The following CDH6 variants were observed in gnomAD, a reference collection of about 807,000 sequenced individuals.
The protein encoded by CDH6 is cadherin 6.
In CDH6, 31 loss-of-function variants were observed where a neutral mutation model predicts 78.0. The ratio of observed to expected loss-of-function variants is 0.40; its 90% CI spans 0.30 to 0.54. The LOEUF (loss-of-function observed/expected upper bound fraction) is 0.54. CDH6 is among the 20% of genes least tolerant of loss of function. CDH6 has a pLI of 0.56. For missense variants in CDH6, 724 were observed against 975.9 expected (o/e 0.74, Z 3.44); for synonymous variants, 376 against 368.8 (o/e 1.02, Z -0.23).
intron 1 of CDH6, among the ~76,000 whole-genome samples, chr5:31,199,685 G>GTATATATATATATATATA (rs1554035032): frequency 7.5e-5 from 6 of 79,858 alleles, no homozygotes; most frequent in East Asian, 9.5e-4. Flanking sequence ...GTGTGTGTGT[G>GTATATATATATATATATA]TATATATATA....
intron 2 of CDH6, 126 bp downstream of exon 2, chr5:31,267,827 C>CTT: frequency 2.2e-5 from 12 of 543,262 alleles, no homozygotes; most frequent in Non-Finnish European, 3.1e-5. Flanking sequence ...ACTGGTAAGA[C>CTT]TTTTTTTTTT....
chr5:31,206,445 T>C (rs1015958551), intron 1 of CDH6, among the ~76,000 whole-genome samples: 1 of 152,172 alleles, frequency 6.6e-6, no homozygotes, highest in Non-Finnish European at 1.5e-5. Context: ...TTCAGCCTCA[T>C]AGAGGCCTTT....
intron 1 of CDH6, among the ~76,000 whole-genome samples, chr5:31,253,842 G>A (rs1451653819): frequency 6.7e-6 from 1 of 150,312 alleles, no homozygotes; most frequent in Admixed American, 6.6e-5. Context: ...TTTTTTAGAA[G>A]CGAATCTGAA....
intron 1 of CDH6, among the ~76,000 whole-genome samples, chr5:31,230,693 CAGAATAA>C (rs1741288979): frequency 6.6e-6 from 1 of 152,116 alleles, no homozygotes; most frequent in African/African-American, 2.4e-5. Context: ...AAACCATCTG[CAGAATAA>C]TCTTGATTGT....
intron 1 of CDH6, among the ~76,000 whole-genome samples, chr5:31,230,710 TG>T (rs1450553587): frequency 3.3e-5 from 5 of 152,210 alleles, no homozygotes; most frequent in African/African-American, 1.2e-4. Flanking sequence ...ATCTTGATTG[TG>T]TCCTCAAGTA....
chr5:31,218,460 GT>G (rs1396380187), intron 1 of CDH6, among the ~76,000 whole-genome samples: 1 of 152,126 alleles, frequency 6.6e-6, no homozygotes, highest in Non-Finnish European at 1.5e-5. Flanking sequence ...AAGCACAGGG[GT>G]TTTTGTTTTT....
intron 11 of CDH6, among the ~76,000 whole-genome samples, chr5:31,321,337 G>A (rs552161115): frequency 1.4e-4 from 21 of 152,274 alleles, no homozygotes; most frequent in Non-Finnish European, 2.5e-4. Flanking sequence ...CTTGAAAGTG[G>A]CAAAGTTACA....
intron 2 of CDH6, among the ~76,000 whole-genome samples, chr5:31,293,409 TA>T (rs750401478): frequency 1.3e-5 from 2 of 152,168 alleles, no homozygotes; most frequent in African/African-American, 4.8e-5. Context: ...AAAATGATTA[TA>T]ATCTCTATCA....
intron 2 of CDH6, among the ~76,000 whole-genome samples, chr5:31,278,062 G>C (rs188347560): frequency 6.6e-6 from 1 of 152,208 alleles, no homozygotes; most frequent in Non-Finnish European, 1.5e-5. Flanking sequence ...CCAATTTTAA[G>C]TATACAGTAT....
rs769376953 is a variant in CDH6, at chr5:31,297,399, T to G, written c.634T>G (p.Ser212Ala). The change falls in exon 4 of 12, where the codon TCA becomes GCA. Residue 212 changes from serine to alanine, a missense_variant. Around this residue, in one of 3 missense-constraint regions of CDH6, gnomAD observed 446 missense variants for 684.5 expected, o/e 0.65. Transcript: ENST00000265071. ...GGGACAGCCCTATTTTTCAGTTGAATCAGAAACAGGTTAGACTTTTTGATC... is the reference window on the plus strand; with the variant it reads ...GGGACAGCCCTATTTTTCAGTTGAAGCAGAAACAGGTTAGACTTTTTGATC... Reference protein sequence around the residue: ...LQGQPYFSVESETGIIKTALL... With the variant: ...LQGQPYFSVEAETGIIKTALL... The G allele has an allele frequency of 6.2e-7, 1 of 1,606,816 alleles. No homozygotes were observed. Among genetic ancestry groups the G allele is most frequent in the South Asian group, 1.1e-5 (1 of 89,524 alleles).
At chr5:31,209,720 G>A (rs1740640032) in intron 1 of CDH6, among the ~76,000 whole-genome samples, 1 of 152,156 alleles carries the variant, frequency 6.6e-6, no homozygotes, top group Non-Finnish European at 1.5e-5. Flanking sequence ...ATAAGAGACA[G>A]TCTACAGGAA....
chr5:31,282,897 G>A (rs1003322979), intron 2 of CDH6, among the ~76,000 whole-genome samples: 4 of 151,634 alleles, frequency 2.6e-5, no homozygotes, highest in East Asian at 2.0e-4. Context: ...ATTGAATTGA[G>A]TAGGGTTATA....
At chr5:31,256,410 GA>G (rs750009854) in intron 1 of CDH6, among the ~76,000 whole-genome samples, 1 of 152,178 alleles carries the variant, frequency 6.6e-6, no homozygotes, top group Non-Finnish European at 1.5e-5. Context: ...TCGGAACTTA[GA>G]ATTGGAGCTT....
Position 31,252,328 on chromosome 5 carries a change from G to T in CDH6, c.-128-15018G>T, listed in dbSNP as rs868010263. Among the ~76,000 whole-genome samples the T allele has an allele frequency of 4.8e-3, 712 of 149,028 alleles. 5 individuals are homozygous for T. The highest frequency in any genetic ancestry group is 7.6e-3 in the Non-Finnish European group (512 of 67,132). On this transcript the variant is annotated intron_variant, in intron 1 of 11. Transcript: ENST00000265071. The stretch of plus-strand genomic sequence containing the variant: ...CTTTTAAGGTGTATTATGTGTGTGT[G>T]GTGTGTGTGTGTGTGTGTGTGTGTA...
intron 2 of CDH6, among the ~76,000 whole-genome samples, chr5:31,274,416 A>G (rs1310504290): frequency 6.6e-6 from 1 of 152,238 alleles, no homozygotes; most frequent in Non-Finnish European, 1.5e-5. Context: ...GCCGCACAGC[A>G]GAGTAACAGA....
rs202082546 is a variant in CDH6 at position 31,326,681 on chromosome 5, ATTTTTTTTTTT to A, written c.*3391_*3401del. On this transcript the variant is annotated 3_prime_UTR_variant, in exon 12 of 12. Coordinates refer to ENST00000265071, the MANE Select transcript of CDH6 (RefSeq NM_004932.4). ...AAAGAGTTGTGCAGAAAATCTTAAA[ATTTTTTTTTTT>A]TTTTTTTTTTTTTTTTTGAGACAGA... 10 of 123,722 alleles carry A rather than the reference ATTTTTTTTTTT, an allele frequency of 8.1e-5. No homozygotes were observed. The highest frequency in any genetic ancestry group is 3.5e-4 in the African/African-American group (10 of 28,454). The allele number at this position is 123,722 out of a possible 1,614,324, so 7.7% of individuals were successfully genotyped here. A position where few individuals can be genotyped will look rare whatever the true frequency, so the allele number is the denominator to read the frequency against.
intron 1 of CDH6, among the ~76,000 whole-genome samples, chr5:31,265,209 A>G (rs1742307494): frequency 6.6e-6 from 1 of 152,212 alleles, no homozygotes; most frequent in South Asian, 2.1e-4. Flanking sequence ...GCTTTTCTCC[A>G]TATGCACTCT....
At chr5:31,309,571 T>A (rs1052638521) in intron 7 of CDH6, among the ~76,000 whole-genome samples, 4 of 152,046 alleles carry the variant, frequency 2.6e-5, no homozygotes, top group Non-Finnish European at 4.4e-5. Flanking sequence ...GGCCTTAACA[T>A]ATCAACTTTC....
At chr5:31,208,903 A>G (rs986938923) in intron 1 of CDH6, among the ~76,000 whole-genome samples, 2 of 152,190 alleles carry the variant, frequency 1.3e-5, no homozygotes, top group African/African-American at 2.4e-5. Context: ...ATGTAGTCCA[A>G]TTTCATTCCT....
Sources: gnomAD v4.1 joint callset for allele counts (sites outside exome capture counted in the v4.1 genomes callset) on GRCh38, gnomAD v4.1.1 for gene constraint, gnomAD v4.1.1 regional missense constraint, MANE v1.5 for transcripts, NCBI Gene and HGNC (gene_info 2026-07-23, HGNC 2026-07-21) for gene names.